The following CFH variants were observed in gnomAD, a reference collection of about 807,000 sequenced individuals.
CFH encodes the protein H factor 1 (complement).
A neutral mutation model predicts 147.3 loss-of-function variants in CFH; 53 were observed. That is an observed-to-expected ratio of 0.36 (90% CI 0.29 to 0.45). CFH has a LOEUF of 0.45. Ranked by LOEUF, CFH falls within the 20% of genes least tolerant of loss-of-function variation. The probability of loss-of-function intolerance (pLI) is 1.00; values close to 1 mark genes in which losing one functional copy is unlikely to be tolerated. For missense variants in CFH, 1,380 were observed against 1,498.0 expected (o/e 0.92, Z 1.30); for synonymous variants, 536 against 489.4 (o/e 1.10, Z -1.26).
chr1:196,730,166 G>GTAC (rs747915276), intron 15 of CFH, among the ~76,000 whole-genome samples: 2 of 151,644 alleles, frequency 1.3e-5, no homozygotes, highest in Non-Finnish European at 3.0e-5. Flanking sequence ...TCTTTGAGGT[G>GTAC]TACTACTAGA....
At chr1:196,726,736 A>C in intron 13 of CFH, 25 bp from the exon 14 acceptor site, 1 of 1,612,990 alleles carries the variant, frequency 6.2e-7, no homozygotes, top group Non-Finnish European at 8.5e-7. Flanking sequence ...TTTCACAATA[A>C]ACTTTTTTTG....
chr1:196,714,701 A>AGAGG (rs533534872), intron 10 of CFH, among the ~76,000 whole-genome samples: 2,014 of 68,664 alleles, frequency 0.029, 111 homozygotes, highest in Admixed American at 0.058. Context: ...AGAGAGAGAG[A>AGAGG]GAGAGAGAGA....
intron 15 of CFH, among the ~76,000 whole-genome samples, chr1:196,733,187 G>A (rs1185295177): frequency 2.6e-5 from 4 of 151,998 alleles, no homozygotes; most frequent in Admixed American, 6.6e-5. Flanking sequence ...CTTTGGCTGC[G>A]GGAAGATTAT....
Position 196,737,568 on chromosome 1 carries a change from T to C in CFH, c.2690T>C (p.Leu897Ser). 2.5e-6 allele frequency: 4 copies of C among 1,613,380 alleles called. No individual in the cohort carries two copies. Among genetic ancestry groups the C allele is most frequent in the Non-Finnish European group, 3.4e-6 (4 of 1,179,560 alleles). Reference sequence around the variant, plus strand: ...GAAAGTTATGCACATGGGACTAAATTGAGTTATACTTGTGAGGGTGGTTTC... The same window carrying C: ...GAAAGTTATGCACATGGGACTAAATCGAGTTATACTTGTGAGGGTGGTTTC... ...SQESYAHGTK[L>S]SYTCEGGFRI... The change falls in exon 17 of 22, where the codon TTG becomes TCG. Residue 897 changes from leucine to serine, a missense_variant. This residue lies in a region of CFH where 830 missense variants were observed against 821.4 expected (regional missense o/e 1.01). Transcript: ENST00000367429.
In CFH at chr1:196,729,441, C is replaced by G. The variant is rs147572513; in HGVS notation, c.2413+919C>G. On this transcript the variant is annotated intron_variant, in intron 15 of 21. Coordinates refer to ENST00000367429, the MANE Select transcript of CFH (RefSeq NM_000186.4). ...GACCTTTACATTTCTTGGATTAAAC[C>G]CATTTGATCATAGTGAATGATCTTT... Among the ~76,000 whole-genome samples, 381 of 151,944 alleles carry G rather than the reference C, an allele frequency of 2.5e-3. 1 individual carries two copies. Among genetic ancestry groups the G allele is most frequent in the African/African-American group, 9.0e-3 (374 of 41,478 alleles).
intron 15 of CFH, among the ~76,000 whole-genome samples, chr1:196,734,366 G>T (rs1669349659): frequency 6.6e-6 from 1 of 152,002 alleles, no homozygotes; most frequent in Non-Finnish European, 1.5e-5. Context: ...CTGCCATTTT[G>T]CTGACATCAC....
intron 9 of CFH, among the ~76,000 whole-genome samples, chr1:196,706,486 A>G (rs1668591655): frequency 6.6e-6 from 1 of 152,194 alleles, no homozygotes; most frequent in South Asian, 2.1e-4. Flanking sequence ...AATGCCATTA[A>G]TCCCTGAAAT....
chr1:196,711,940 T>A (rs540681503), intron 9 of CFH, among the ~76,000 whole-genome samples: 1 of 152,236 alleles, frequency 6.6e-6, no homozygotes, highest in South Asian at 2.1e-4. Context: ...CTCCATAGTT[T>A]CTTCTTTTCT....
chr1:196,689,902 C>T (rs1294014831), intron 8 of CFH, among the ~76,000 whole-genome samples, 161 bp from the exon 9 acceptor site: 1 of 151,858 alleles, frequency 6.6e-6, no homozygotes, highest in African/African-American at 2.4e-5. Flanking sequence ...TCTTTTTGTG[C>T]AAACCTTTGT....
chr1:196,726,154 CA>C (rs1329916200), intron 12 of CFH, among the ~76,000 whole-genome samples: 1 of 152,040 alleles, frequency 6.6e-6, no homozygotes, highest in African/African-American at 2.4e-5. Context: ...GATATTTTTC[CA>C]AAATGTTATG....
At chr1:196,677,433 C>T in intron 4 of CFH, 43 bp from the exon 5 acceptor site, 2 of 1,568,828 alleles carry the variant, frequency 1.3e-6, no homozygotes, top group Non-Finnish European at 1.8e-6. Flanking sequence ...TCACAATAAA[C>T]TTTTAAAATT....
intron 11 of CFH, among the ~76,000 whole-genome samples, chr1:196,715,986 A>C (rs1668861181): frequency 6.6e-6 from 1 of 152,052 alleles, no homozygotes; most frequent in African/African-American, 2.4e-5. Context: ...TACCTTCCAG[A>C]TTTGTGATTA....
chr1:196,723,116 G>T (rs1669041342), intron 11 of CFH, among the ~76,000 whole-genome samples: 1 of 152,072 alleles, frequency 6.6e-6, no homozygotes. Context: ...GAGTTAGTGT[G>T]ATCCTTTGCG....
chr1:196,711,545 C>T (rs148239155), intron 9 of CFH, among the ~76,000 whole-genome samples: 24 of 151,968 alleles, frequency 1.6e-4, no homozygotes, highest in African/African-American at 5.8e-4. Context: ...ATCTGTGAGA[C>T]CCCAAGGATT....
intron 1 of CFH, among the ~76,000 whole-genome samples, chr1:196,664,742 G>A (rs918105778): frequency 1.3e-5 from 2 of 151,688 alleles, no homozygotes; most frequent in African/African-American, 4.8e-5. Flanking sequence ...AATTCAGATG[G>A]GTGTAGCATA....
intron 7 of CFH, among the ~76,000 whole-genome samples, chr1:196,686,486 T>C (rs1481019715): frequency 6.6e-6 from 1 of 152,084 alleles, no homozygotes; most frequent in Non-Finnish European, 1.5e-5. Flanking sequence ...TAATGTTTTT[T>C]CTATCTCTAC....
intron 5 of CFH, 62 bp from the exon 6 acceptor site, chr1:196,679,561 T>A: frequency 8.1e-7 from 1 of 1,241,122 alleles, no homozygotes; most frequent in Admixed American, 1.7e-5. Context: ...CATATAATTA[T>A]GTCCTGGTCA....
At chr1:196,661,703 G>A (rs1572997810) in intron 1 of CFH, among the ~76,000 whole-genome samples, 3 of 152,226 alleles carry the variant, frequency 2.0e-5, no homozygotes, top group Admixed American at 2.0e-4. Flanking sequence ...GGGTTGTGGG[G>A]AGGTTGCATG....
chr1:196,660,393 G>C (rs1048254326), intron 1 of CFH, among the ~76,000 whole-genome samples: 1 of 152,182 alleles, frequency 6.6e-6, no homozygotes, highest in African/African-American at 2.4e-5. Flanking sequence ...AGCAATGCTG[G>C]ATAAGTAAAA....
Sources: gnomAD v4.1 joint callset for allele counts (sites outside exome capture counted in the v4.1 genomes callset) on GRCh38, gnomAD v4.1.1 for gene constraint, gnomAD v4.1.1 regional missense constraint, MANE v1.5 for transcripts, NCBI Gene and HGNC (gene_info 2026-07-23, HGNC 2026-07-21) for gene names.